PDE1C: variants seen among roughly 807,000 people sequenced by gnomAD.
The protein encoded by PDE1C is dual specificity calcium/calmodulin-dependent 3',5'-cyclic nucleotide phosphodiesterase 1C.
In PDE1C, 62 loss-of-function variants were observed where a neutral mutation model predicts 93.1. The observed-to-expected ratio is 0.67, with a 90% CI of 0.54 to 0.82. The LOEUF (loss-of-function observed/expected upper bound fraction) is 0.82. Ranked by LOEUF, PDE1C falls within the 40% of genes least tolerant of loss-of-function variation. The pLI is 0.00. For missense variants in PDE1C, 742 were observed against 884.6 expected (o/e 0.84, Z 2.04); for synonymous variants, 325 against 310.1 (o/e 1.05, Z -0.50).
intron 2 of PDE1C, among the ~76,000 whole-genome samples, chr7:31,916,859 C>G (rs183608100): frequency 6.6e-6 from 1 of 152,162 alleles, no homozygotes; most frequent in Non-Finnish European, 1.5e-5. Flanking sequence ...TATTGGCACC[C>G]CTTTCTGGAG....
intron 17 of PDE1C, among the ~76,000 whole-genome samples, chr7:31,771,757 T>C (rs1055477227): frequency 7.9e-5 from 12 of 152,230 alleles, no homozygotes; most frequent in African/African-American, 2.7e-4. Flanking sequence ...ATTTATCTAT[T>C]GCTTCTTTTG....
At chr7:32,186,344 C>T (rs1803879996) in intron 2 of PDE1C, among the ~76,000 whole-genome samples, 3 of 152,148 alleles carry the variant, frequency 2.0e-5, no homozygotes, top group African/African-American at 7.2e-5. Flanking sequence ...CCTCATGATC[C>T]ACCCGCCTCG....
chr7:32,125,730 C>T (rs143691928), intron 3 of PDE1C, among the ~76,000 whole-genome samples: 775 of 150,782 alleles, frequency 5.1e-3, no homozygotes, highest in African/African-American at 0.017. Flanking sequence ...GGTTGGGGGG[C>T]GAGGGGAGGG....
rs192275234 is a variant in PDE1C at position 32,244,582 on chromosome 7, T to A, written c.86-35043A>T. ...CTCAATCTTGGGCACGGCTTTCCAA[T>A]GAGTGTTCTGTACAACACCAGTGCC... On this transcript the variant is annotated intron_variant, in intron 1 of 18. Coordinates refer to the PDE1C transcript ENST00000396193. 1.0e-3 allele frequency among the ~76,000 whole-genome samples: 159 copies of A among 152,258 alleles called. 1 individual carries two copies. Among genetic ancestry groups the A allele is most frequent in the South Asian group, 2.9e-3 (14 of 4,808 alleles).
chr7:32,006,857 C>A (rs559650675), intron 2 of PDE1C, among the ~76,000 whole-genome samples: 1 of 152,210 alleles, frequency 6.6e-6, no homozygotes, highest in African/African-American at 2.4e-5. Flanking sequence ...TGGAGTCACC[C>A]AAGGCAGGTC....
the PDE1C span, among the ~76,000 whole-genome samples, chr7:31,679,956 AG>A: frequency 6.6e-6 from 1 of 152,208 alleles, no homozygotes; most frequent in East Asian, 1.9e-4. Flanking sequence ...GCGAGGGAAG[AG>A]GGCAATGAAT....
intron 3 of PDE1C, among the ~76,000 whole-genome samples, chr7:32,135,810 T>G (rs1363997291): frequency 6.6e-6 from 1 of 152,200 alleles, no homozygotes; most frequent in Non-Finnish European, 1.5e-5. Flanking sequence ...TGAAGAGATA[T>G]CTATACGTTC....
intron 17 of PDE1C, among the ~76,000 whole-genome samples, chr7:31,772,060 A>G (rs958616456): frequency 2.0e-5 from 3 of 151,736 alleles, no homozygotes; most frequent in Non-Finnish European, 2.9e-5. Context: ...AAAAAAAAAA[A>G]AAGAAGATAT....
chr7:32,170,048 G>T, intron 2 of PDE1C: 1 of 1,127,732 alleles, frequency 8.9e-7, no homozygotes, highest in Non-Finnish European at 1.3e-6. Flanking sequence ...CCAAAGCAGA[G>T]CAGGGAAATT....
chr7:32,422,014 C>A (rs1785441575), intron 1 of PDE1C, among the ~76,000 whole-genome samples: 1 of 152,096 alleles, frequency 6.6e-6, no homozygotes, highest in South Asian at 2.1e-4. Context: ...GACTTTTCTG[C>A]CTTGGTAAGA....
At chr7:31,733,046 T>G in the PDE1C span, among the ~76,000 whole-genome samples, 2 of 152,208 alleles carry the variant, frequency 1.3e-5, no homozygotes, top group African/African-American at 4.8e-5. Context: ...TAAGCATTCT[T>G]TCAATGTCTA....
At chr7:31,991,035 G>T (rs1308765865) in intron 2 of PDE1C, among the ~76,000 whole-genome samples, 3 of 152,020 alleles carry the variant, frequency 2.0e-5, no homozygotes, top group African/African-American at 7.2e-5. Context: ...AACACTAATG[G>T]AAACATTTTT....
chr7:32,139,846 T>G (rs777166647), intron 3 of PDE1C, among the ~76,000 whole-genome samples: 13 of 152,174 alleles, frequency 8.5e-5, no homozygotes, highest in Non-Finnish European at 1.2e-4. Context: ...CTGCCAGAGC[T>G]GTCATCTATG....
At chr7:32,152,172 G>A (rs1464929097) in intron 3 of PDE1C, among the ~76,000 whole-genome samples, 2 of 152,110 alleles carry the variant, frequency 1.3e-5, no homozygotes, top group African/African-American at 2.4e-5. Context: ...CTGTTTCCAG[G>A]TAGGTCATGG....
chr7:31,619,691 G>C, the PDE1C span, among the ~76,000 whole-genome samples: 1 of 152,094 alleles, frequency 6.6e-6, no homozygotes, highest in African/African-American at 2.4e-5. Context: ...CAGAAGACGG[G>C]TGATTTCTGC....
chr7:31,738,875 A>G, the PDE1C span, among the ~76,000 whole-genome samples: 183 of 152,180 alleles, frequency 1.2e-3, no homozygotes, highest in Middle Eastern at 6.8e-3. Context: ...GGATGTGGTG[A>G]GTATGTGATG....
At chr7:32,198,527 C>T (rs948004896) in intron 2 of PDE1C, among the ~76,000 whole-genome samples, 2 of 152,098 alleles carry the variant, frequency 1.3e-5, no homozygotes, top group Non-Finnish European at 1.5e-5. Context: ...TTCACAAAAT[C>T]TTTAGATTAC....
At chr7:32,331,955 T>C (rs1480360701) in intron 1 of PDE1C, among the ~76,000 whole-genome samples, 1 of 152,072 alleles carries the variant, frequency 6.6e-6, no homozygotes, top group Non-Finnish European at 1.5e-5. Context: ...CTTTCCCACA[T>C]TGGGGCTTGG....
intron 2 of PDE1C, among the ~76,000 whole-genome samples, chr7:31,968,157 G>A (rs1239528986): frequency 5.9e-5 from 9 of 152,154 alleles, no homozygotes; most frequent in African/African-American, 2.2e-4. Context: ...TAGGAAAAGA[G>A]GAAGTCAAAT....
Sources: allele counts gnomAD v4.1 joint callset (sites outside exome capture counted in the v4.1 genomes callset), GRCh38; gene constraint gnomAD v4.1.1; transcripts MANE v1.5; gene names NCBI Gene and HGNC (gene_info 2026-07-23, HGNC 2026-07-21).